CAMK4: variants seen among roughly 807,000 people sequenced by gnomAD.
CAMK4 encodes calcium/calmodulin dependent protein kinase IV.
Under a neutral mutation model 44.9 loss-of-function variants are expected in CAMK4, and 22 were observed. The ratio of observed to expected loss-of-function variants is 0.49; its 90% confidence interval spans 0.35 to 0.70. The LOEUF is 0.70. Ranked by LOEUF, CAMK4 falls within the 30% of genes least tolerant of loss-of-function variation. CAMK4 has a pLI of 0.01. For missense variants in CAMK4, 498 were observed against 586.8 expected (o/e 0.85, Z 1.56); for synonymous variants, 218 against 215.4 (o/e 1.01, Z -0.11).
At chr5:111,459,604 T>C (rs1429421302) in intron 7 of CAMK4, among the ~76,000 whole-genome samples, 3 of 152,034 alleles carry the variant, frequency 2.0e-5, no homozygotes, top group Non-Finnish European at 4.4e-5. Flanking sequence ...TGGATTGAGA[T>C]GGTTGATAAA....
intron 1 of CAMK4, among the ~76,000 whole-genome samples, chr5:111,326,644 T>G (rs1285201339): frequency 6.6e-6 from 1 of 150,880 alleles, no homozygotes; most frequent in Non-Finnish European, 1.5e-5. Context: ...AGAAAATATA[T>G]GCTTTGCGTG....
intron 1 of CAMK4, among the ~76,000 whole-genome samples, chr5:111,296,809 A>G (rs572559794): frequency 1.3e-5 from 2 of 152,342 alleles, no homozygotes; most frequent in Middle Eastern, 3.4e-3. Context: ...AGAGCCAGAC[A>G]CTTCTGATTC....
rs1299093076 is a variant in CAMK4, at chr5:111,493,748, C to T, written c.*9282C>T. ...TTTATTGCAGGCAGTATTTTTACAT[C>T]CATCTTCAAGAAACTTGGGAGACAT... On this transcript the variant is annotated 3_prime_UTR_variant, in exon 11 of 11. Coordinates refer to ENST00000282356, the MANE Select transcript of CAMK4 (RefSeq NM_001744.6). This position sits in a 1 kb window ranked among gnomAD's most constrained non-coding sequence, Gnocchi z 4.1. 6.6e-6 allele frequency: 1 copy of T among 152,150 alleles called. No individual in the cohort carries two copies. Among genetic ancestry groups the T allele is most frequent in the East Asian group, 1.9e-4 (1 of 5,194 alleles). 9.4% of individuals were successfully genotyped at this position (152,150 alleles called of 1,614,324 possible).
intron 5 of CAMK4, among the ~76,000 whole-genome samples, chr5:111,425,620 A>G (rs1753199379): frequency 6.6e-6 from 1 of 152,248 alleles, no homozygotes; most frequent in Admixed American, 6.5e-5. Flanking sequence ...AAAAGCTAAA[A>G]GGAATTAGCA....
intron 5 of CAMK4, among the ~76,000 whole-genome samples, chr5:111,436,390 T>C (rs181501836): frequency 7.7e-4 from 117 of 152,324 alleles, no homozygotes; most frequent in Admixed American, 1.8e-3. Flanking sequence ...CCTCTTCTCT[T>C]GTCTACTACT....
rs532842255 is a variant in CAMK4 at position 111,234,476 on chromosome 5, G to A, written c.161+9832G>A. Among the ~76,000 whole-genome samples the A allele has an allele frequency of 2.0e-5, 3 of 152,314 alleles. No homozygotes were observed. In the South Asian group the frequency reaches 6.2e-4, roughly 32 times the overall value. ...ACAAAGTTTCAGTGGTCATGGAGTTGAGAGGGAAAAAGAGTAGAGAAATAG... is the reference window on the plus strand; with the variant it reads ...ACAAAGTTTCAGTGGTCATGGAGTTAAGAGGGAAAAAGAGTAGAGAAATAG... On this transcript the variant is annotated intron_variant, in intron 1 of 10. Transcript: ENST00000282356.
chr5:111,360,842 A>G (rs1305726233), intron 2 of CAMK4, among the ~76,000 whole-genome samples: 1 of 152,106 alleles, frequency 6.6e-6, no homozygotes, highest in East Asian at 1.9e-4. Context: ...TAGAAAGAAT[A>G]TATTGCTATG....
intron 1 of CAMK4, among the ~76,000 whole-genome samples, chr5:111,238,091 A>T (rs1748811894): frequency 6.6e-6 from 1 of 152,196 alleles, no homozygotes; most frequent in Non-Finnish European, 1.5e-5. Flanking sequence ...AGAGGCAGAC[A>T]CAGGGCTGAG....
At position 111,390,775 on chromosome 5, in the gene CAMK4, A is replaced by G. The variant is rs186642299; in HGVS notation, c.387-3935A>G. Among the ~76,000 whole-genome samples, 93 of 152,336 alleles carry G rather than the reference A, an allele frequency of 6.1e-4. 1 individual carries two copies. Among genetic ancestry groups the G allele is most frequent in the African/African-American group, 2.2e-3 (90 of 41,596 alleles). On this transcript the variant is annotated intron_variant, in intron 4 of 10. Coordinates refer to ENST00000282356, the MANE Select transcript of CAMK4 (RefSeq NM_001744.6). Reference sequence around the variant, plus strand: ...CTTGTTCTGAAAAATCAAAAACTCAATGACAATATCTACAGCAAAACCAGG... The same window carrying G: ...CTTGTTCTGAAAAATCAAAAACTCAGTGACAATATCTACAGCAAAACCAGG...
intron 1 of CAMK4, among the ~76,000 whole-genome samples, chr5:111,289,016 C>T (rs1018854556): frequency 4.6e-5 from 7 of 152,134 alleles, no homozygotes; most frequent in Non-Finnish European, 5.9e-5. Flanking sequence ...GTGGTTTAGC[C>T]TAAATAGGAA....
chr5:111,355,486 T>TTTTATTTA (rs143763443), intron 2 of CAMK4, among the ~76,000 whole-genome samples: 22,110 of 146,788 alleles, frequency 0.15, 3,010 homozygotes, highest in African/African-American at 0.36. Flanking sequence ...TCTGCATTCT[T>TTTTATTTA]TTTATTTATT....
At position 111,475,151 on chromosome 5, in the gene CAMK4, C is replaced by T. The variant is rs188959309; in HGVS notation, c.701+1765C>T. Among the ~76,000 whole-genome samples the T allele has an allele frequency of 6.2e-3, 942 of 151,832 alleles. 8 individuals carry two copies. The highest frequency in any genetic ancestry group is 0.011 in the Non-Finnish European group (718 of 67,904). On this transcript the variant is annotated intron_variant, in intron 8 of 10. Coordinates refer to ENST00000282356, the MANE Select transcript of CAMK4 (RefSeq NM_001744.6). ...GCACTCCAGCCTGGGTGATAGAACT[C>T]CGACTCAAAAACAAAAACAAAACAA... is the stretch of plus-strand genomic sequence containing the variant.
intron 1 of CAMK4, among the ~76,000 whole-genome samples, chr5:111,264,393 A>G (rs1750135989): frequency 6.6e-6 from 1 of 152,194 alleles, no homozygotes; most frequent in Admixed American, 6.5e-5. Flanking sequence ...TAGTTTCCCA[A>G]CGATGCATAG....
chr5:111,281,194 T>C (rs1022982826), intron 1 of CAMK4, among the ~76,000 whole-genome samples: 4 of 152,220 alleles, frequency 2.6e-5, no homozygotes, highest in African/African-American at 9.6e-5. Flanking sequence ...CTCGTGGATC[T>C]AGAAATCCAA....
intron 1 of CAMK4, among the ~76,000 whole-genome samples, chr5:111,283,981 A>T (rs1751130732): frequency 6.6e-6 from 1 of 152,228 alleles, no homozygotes; most frequent in African/African-American, 2.4e-5. Context: ...GTTTTAAAAT[A>T]GGTAATTTGT....
chr5:111,340,636 G>A (rs1430345702), intron 1 of CAMK4, among the ~76,000 whole-genome samples: 2 of 151,178 alleles, frequency 1.3e-5, no homozygotes, highest in Admixed American at 6.6e-5. Context: ...GAGGATTTTT[G>A]TATCTGTGTT....
intron 6 of CAMK4, 145 bp downstream of exon 6, chr5:111,446,921 T>C (rs1754051990): frequency 1.5e-6 from 1 of 676,234 alleles, no homozygotes; most frequent in Admixed American, 2.5e-5. Context: ...AAATAATATG[T>C]TGTTTTGGAA....
chr5:111,287,909 C>T (rs933076800), intron 1 of CAMK4, among the ~76,000 whole-genome samples: 1 of 152,240 alleles, frequency 6.6e-6, no homozygotes, highest in African/African-American at 2.4e-5. Flanking sequence ...ATTGCCAGCA[C>T]TCCAGACGCC....
At chr5:111,425,735 A>G (rs1753202946) in intron 5 of CAMK4, among the ~76,000 whole-genome samples, 1 of 152,176 alleles carries the variant, frequency 6.6e-6, no homozygotes, top group East Asian at 1.9e-4. Context: ...CCCCATAAAC[A>G]CCAGAAAACA....
Sources: gnomAD v4.1 joint callset for allele counts (sites outside exome capture counted in the v4.1 genomes callset) on GRCh38, gnomAD v4.1.1 for gene constraint, Gnocchi (gnomAD v3.1) non-coding constraint, MANE v1.5 for transcripts, NCBI Gene and HGNC (gene_info 2026-07-23, HGNC 2026-07-21) for gene names.